The following MEP1B variants were observed in gnomAD, a reference collection of about 807,000 sequenced individuals.
MEP1B encodes N-benzoyl-L-tyrosyl-P-amino-benzoic acid hydrolase subunit beta.
In MEP1B, 80 loss-of-function variants were observed where a neutral mutation model predicts 84.6. That is an observed-to-expected ratio of 0.95 (90% CI 0.79 to 1.14). MEP1B has a LOEUF of 1.14. Ranked by LOEUF, MEP1B falls within the 50% of genes most tolerant of loss-of-function variation. The pLI is 0.00. For synonymous variants in MEP1B, 273 were observed against 288.1 expected, an observed-to-expected ratio of 0.95 and a Z score of 0.53; for missense variants, 766 against 855.1, an observed-to-expected ratio of 0.90 and a Z score of 1.30.
chr18:32,213,265 C>T lies in MEP1B; in HGVS notation c.1285C>T (p.His429Tyr). 6.2e-7 allele frequency: 1 copy of T among 1,613,978 alleles called. No individual in the cohort carries two copies. Among genetic ancestry groups the T allele is most frequent in the East Asian group, 2.2e-5 (1 of 44,880 alleles). ...CAATCTTTCGGAAACACGGTGCCCT[C>T]ATCATATCTGGCATATAAGGAATTT... ...DINLSETRCP[H>Y]HIWHIRNFTQ... The change falls in exon 11 of 15, where the codon CAT (histidine) becomes TAT (tyrosine). Residue 429 changes from histidine to tyrosine, a missense_variant. Coordinates refer to ENST00000269202, the MANE Select transcript of MEP1B (RefSeq NM_005925.3).
chr18:32,192,322 T>C (rs1031473320), intron 2 of MEP1B, among the ~76,000 whole-genome samples: 1 of 152,142 alleles, frequency 6.6e-6, no homozygotes, highest in African/African-American at 2.4e-5. Context: ...ATTTAATCAT[T>C]TGTTTGCTAT....
intron 10 of MEP1B, among the ~76,000 whole-genome samples, chr18:32,212,179 G>T (rs2041035565): frequency 6.6e-6 from 1 of 151,312 alleles, no homozygotes; most frequent in South Asian, 2.1e-4. Context: ...AATTGTCCAG[G>T]ACTGGAAGGG....
In MEP1B at chr18:32,215,267, T is replaced by C. The variant is rs1223964644; in HGVS notation, c.1759+6T>C. On this transcript the variant is annotated splice_donor_region_variant and intron_variant, in intron 12 of 14. Transcript: ENST00000269202. ...TATCCTACTGACAGTGGAAGGTATG[T>C]CAATAAAAATAGTTTTATATAAACT... is the stretch of plus-strand genomic sequence containing the variant. The C allele has an allele frequency of 1.3e-6, 2 of 1,547,068 alleles. No individual in the cohort carries two copies. The highest frequency in any genetic ancestry group is 2.8e-5 in the African/African-American group (2 of 71,730).
intron 1 of MEP1B, 54 bp downstream of exon 1, chr18:32,190,187 G>A: frequency 8.0e-7 from 1 of 1,247,640 alleles, no homozygotes; most frequent in African/African-American, 1.5e-5. Flanking sequence ...AGTTGATATT[G>A]ATTGTTAAAG....
At chr18:32,202,374 C>T (rs1418286266) in intron 5 of MEP1B, among the ~76,000 whole-genome samples, 1 of 152,194 alleles carries the variant, frequency 6.6e-6, no homozygotes, top group African/African-American at 2.4e-5. Flanking sequence ...ATTTTGGGCC[C>T]TGAACTCACT....
At chr18:32,198,050 G>A (rs1449139139) in intron 5 of MEP1B, among the ~76,000 whole-genome samples, 1 of 152,172 alleles carries the variant, frequency 6.6e-6, no homozygotes, top group Non-Finnish European at 1.5e-5. Context: ...TAAATCAAAA[G>A]TGAATTATGA....
chr18:32,196,189 A>G lies in MEP1B; in HGVS notation c.250+704A>G. ...GTGTCACTGCGCCACCTCGGCTTTCAGACTCTCCAAGTCTTTTTGGCTGAG... is the reference window on the plus strand; with the variant it reads ...GTGTCACTGCGCCACCTCGGCTTTCGGACTCTCCAAGTCTTTTTGGCTGAG... On this transcript the variant is annotated intron_variant, in intron 5 of 14. Coordinates refer to ENST00000269202, the MANE Select transcript of MEP1B (RefSeq NM_005925.3). The surrounding 1 kb of genome is among the most constrained non-coding windows in gnomAD (Gnocchi z 4.4). 1 of 639,910 alleles carries G rather than the reference A, an allele frequency of 1.6e-6. No homozygotes were observed. Among genetic ancestry groups the G allele is most frequent in the Non-Finnish European group, 2.9e-6 (1 of 339,282 alleles). The allele number at this position is 639,910 out of a possible 1,614,324, so 39.6% of individuals were successfully genotyped here.
intron 4 of MEP1B, among the ~76,000 whole-genome samples, chr18:32,194,277 GTCTT>G (rs1487483921): frequency 2.0e-5 from 3 of 152,032 alleles, no homozygotes; most frequent in African/African-American, 7.2e-5. Flanking sequence ...CTCCTAATTT[GTCTT>G]TCTATTTCAG....
At chr18:32,201,299 TACACACACAC>T (rs58057830) in intron 5 of MEP1B, among the ~76,000 whole-genome samples, 7 of 144,324 alleles carry the variant, frequency 4.9e-5, no homozygotes, top group Admixed American at 7.0e-5. Flanking sequence ...CATATGTAGA[TACACACACAC>T]ACACACACAC....
chr18:32,214,470 G>A (rs1460566336), intron 11 of MEP1B, among the ~76,000 whole-genome samples: 1 of 152,180 alleles, frequency 6.6e-6, no homozygotes, highest in Non-Finnish European at 1.5e-5. Context: ...CAATGGAATT[G>A]TAGGGACTTG....
Position 32,213,420 on chromosome 18 carries a change from C to T in MEP1B, c.1440C>T (p.Ile480=), listed in dbSNP as rs777889089. 4.5e-5 allele frequency: 73 copies of T among 1,613,904 alleles called. No homozygotes were observed. Among genetic ancestry groups the T allele is most frequent in the Middle Eastern group, 1.6e-4 (1 of 6,062 alleles). ...VTNAGIYFHL[I]SGANDDQLQW... is the part of the protein sequence containing the mutation. ...ATGCAGGGATATATTTCCACTTGAT[C>T]TCTGGAGCCAATGATGATCAATTAC... The change falls in exon 11 of 15, where the codon ATC becomes ATT. Residue 480 remains isoleucine (I), a synonymous_variant. Coordinates refer to ENST00000269202, the MANE Select transcript of MEP1B (RefSeq NM_005925.3).
Position 32,196,837 on chromosome 18 carries a change from T to A in MEP1B, c.250+1352T>A. 3.5e-6 allele frequency: 2 copies of A among 578,966 alleles called. No homozygotes were observed. The highest frequency in any genetic ancestry group is 1.9e-5 in the South Asian group (1 of 53,668). 35.9% of individuals were successfully genotyped at this position (578,966 alleles called of 1,614,324 possible). On this transcript the variant is annotated intron_variant, in intron 5 of 14. Coordinates refer to ENST00000269202, the MANE Select transcript of MEP1B (RefSeq NM_005925.3). This position sits in a 1 kb window ranked among gnomAD's most constrained non-coding sequence, Gnocchi z 4.4. The stretch of plus-strand genomic sequence containing the variant: ...ATCAGCACTGCCTTCTGCTGGCTTC[T>A]CAGGGCCTCTGCGTACTTGCCCATG...
At position 32,205,375 on chromosome 18, in the gene MEP1B, G is replaced by C. The variant is rs530661899; in HGVS notation, c.547+1015G>C. On this transcript the variant is annotated intron_variant, in intron 7 of 14. Transcript: ENST00000269202. ...TCCTCATCTGTCCTGCCTGTGTGGG[G>C]CGAGACAGAGGAAAGGGCATTGCTA... Among the ~76,000 whole-genome samples the C allele has an allele frequency of 9.8e-5, 15 of 152,292 alleles. No individual in the cohort carries two copies. In the East Asian group the frequency reaches 2.9e-3, roughly 29 times the overall value.
chr18:32,190,181 G>A, intron 1 of MEP1B, 48 bp downstream of exon 1: 2 of 1,332,990 alleles, frequency 1.5e-6, no homozygotes, highest in South Asian at 2.6e-5. Flanking sequence ...TGGGGCAGTT[G>A]ATATTGATTG....
chr18:32,202,397 G>A (rs1478706132), intron 5 of MEP1B, among the ~76,000 whole-genome samples: 4 of 152,140 alleles, frequency 2.6e-5, no homozygotes, highest in Admixed American at 2.6e-4. Context: ...CAGACCTCAT[G>A]AAAGCTCTCT....
chr18:32,216,868 TA>T (rs878936397), intron 12 of MEP1B, 122 bp from the exon 13 acceptor site: 137,953 of 862,730 alleles, frequency 0.16, 3 homozygotes, highest in South Asian at 0.22. Flanking sequence ...ATCTCACCTC[TA>T]AAAAAAAAAA....
rs916396475 is a variant in MEP1B at position 32,196,632 on chromosome 18, C to T, written c.250+1147C>T. ...CTCCATCACCCTGTGCAGCACCCGC[C>T]TGATGTTGTCCAGCACGCCACCTCG... On this transcript the variant is annotated intron_variant, in intron 5 of 14. Coordinates refer to ENST00000269202, the MANE Select transcript of MEP1B (RefSeq NM_005925.3). This position sits in a 1 kb window ranked among gnomAD's most constrained non-coding sequence, Gnocchi z 4.4. The T allele has an allele frequency of 3.5e-5, 25 of 712,560 alleles. No homozygotes were observed. The highest frequency in any genetic ancestry group is 2.5e-4 in the Middle Eastern group (1 of 3,978). 44.1% of individuals were successfully genotyped at this position (712,560 alleles called of 1,614,324 possible).
intron 12 of MEP1B, among the ~76,000 whole-genome samples, chr18:32,215,748 C>T (rs1253339227): frequency 1.3e-5 from 2 of 152,010 alleles, no homozygotes; most frequent in East Asian, 1.9e-4. Flanking sequence ...GGTGTGAACC[C>T]GGGAGGCGGA....
intron 12 of MEP1B, among the ~76,000 whole-genome samples, chr18:32,215,595 C>T (rs377374045): frequency 1.1e-4 from 17 of 152,050 alleles, no homozygotes; most frequent in African/African-American, 2.9e-4. Context: ...GAGACCGAGG[C>T]GAGTGGATCA....
Sources: allele counts gnomAD v4.1 joint callset (sites outside exome capture counted in the v4.1 genomes callset), GRCh38; gene constraint gnomAD v4.1.1; non-coding constraint Gnocchi (gnomAD v3.1); transcripts MANE v1.5; gene names NCBI Gene and HGNC (gene_info 2026-07-23, HGNC 2026-07-21).